Variants in PCDH9 observed in about 807,000 individuals in gnomAD.
PCDH9 encodes protocadherin-9.
Under a neutral mutation model 70.6 loss-of-function variants are expected in PCDH9, and 24 were observed. That is an observed-to-expected ratio of 0.34 (90% CI 0.25 to 0.48). The LOEUF is 0.48. PCDH9 is among the 20% of genes least tolerant of loss of function. The pLI, the probability that PCDH9 is intolerant of heterozygous loss-of-function variation, is 0.99. For missense variants in PCDH9, 1,281 were observed against 1,503.6 expected (o/e 0.85, Z 2.45); for synonymous variants, 562 against 558.5 (o/e 1.01, Z -0.09).
chr13:66,526,516 TCTCTCTCTC>T lies in PCDH9; in HGVS notation c.3340+104685_3340+104693del, dbSNP rs1360656326. 8.0e-5 allele frequency among the ~76,000 whole-genome samples: 7 copies of T among 87,806 alleles called. 1 individual carries two copies. The South Asian group carries it at 1.9e-3, about 24-fold the overall frequency. The allele number at this position is 87,806 out of a possible 152,430, so 57.6% of individuals were successfully genotyped here. On this transcript the variant is annotated intron_variant, in intron 4 of 4. Coordinates refer to ENST00000377865, the MANE Select transcript of PCDH9 (RefSeq NM_203487.3). ...TATACAATGCTTTGAAATCTCTCTC[TCTCTCTCTC>T]TCTCTCTGTCTCTGTCTCTCTCTGG...
chr13:66,544,122 T>C (rs1305251569), intron 4 of PCDH9, among the ~76,000 whole-genome samples: 3 of 152,216 alleles, frequency 2.0e-5, no homozygotes, highest in Non-Finnish European at 4.4e-5. Flanking sequence ...TACAGGACCT[T>C]TGATGCCTTA....
intron 2 of PCDH9, among the ~76,000 whole-genome samples, chr13:66,955,682 T>A (rs1458473178): frequency 1.3e-5 from 2 of 152,180 alleles, no homozygotes; most frequent in Non-Finnish European, 2.9e-5. Flanking sequence ...TCAAGAGGGA[T>A]GAACTAACAT....
At chr13:66,776,981 C>T (rs1252331866) in intron 3 of PCDH9, among the ~76,000 whole-genome samples, 1 of 151,354 alleles carries the variant, frequency 6.6e-6, no homozygotes, top group Non-Finnish European at 1.5e-5. Context: ...CGCCGCATAT[C>T]TACAACTATC....
intron 4 of PCDH9, among the ~76,000 whole-genome samples, chr13:66,356,361 C>A (rs2138183544): frequency 6.6e-6 from 1 of 152,156 alleles, no homozygotes; most frequent in Admixed American, 6.6e-5. Flanking sequence ...AGGTATTTGA[C>A]AAAATCATCA....
chr13:66,688,889 A>G (rs2078442926), intron 3 of PCDH9, among the ~76,000 whole-genome samples: 4 of 152,164 alleles, frequency 2.6e-5, no homozygotes. Flanking sequence ...AATTTTTTAT[A>G]TGAAATCATT....
chr13:67,117,461 G>T (rs2086800267), intron 2 of PCDH9, among the ~76,000 whole-genome samples: 1 of 152,134 alleles, frequency 6.6e-6, no homozygotes, highest in African/African-American at 2.4e-5. Flanking sequence ...GGAGGCGGTT[G>T]TGATGAGTTC....
At chr13:66,622,861 CTT>C (rs57113848) in intron 4 of PCDH9, among the ~76,000 whole-genome samples, 11,409 of 152,224 alleles carry the variant, frequency 0.075, 478 homozygotes, top group South Asian at 0.13. Context: ...GCTGCTCACT[CTT>C]TGTGTCCACA....
At chr13:66,821,462 A>G (rs2080710621) in intron 3 of PCDH9, among the ~76,000 whole-genome samples, 1 of 152,184 alleles carries the variant, frequency 6.6e-6, no homozygotes, top group African/African-American at 2.4e-5. Flanking sequence ...AGCCAAACTC[A>G]TAAGAGTCAT....
At chr13:66,986,061 A>G (rs565073845) in intron 2 of PCDH9, among the ~76,000 whole-genome samples, 59 of 152,158 alleles carry the variant, frequency 3.9e-4, no homozygotes, top group African/African-American at 1.4e-3. Context: ...AAAAAGGTTA[A>G]ATGACTCATA....
intron 4 of PCDH9, among the ~76,000 whole-genome samples, chr13:66,381,708 A>T (rs1956851369): frequency 6.6e-6 from 1 of 152,232 alleles, no homozygotes; most frequent in South Asian, 2.1e-4. Context: ...AGGTCTTTTC[A>T]AATGATTTTT....
intron 3 of PCDH9, among the ~76,000 whole-genome samples, chr13:66,791,901 A>G (rs1250411399): frequency 6.6e-6 from 1 of 152,174 alleles, no homozygotes; most frequent in African/African-American, 2.4e-5. Flanking sequence ...AATACATTGC[A>G]TTATGCACAC....
At chr13:66,982,068 AGT>A (rs2083783436) in intron 2 of PCDH9, among the ~76,000 whole-genome samples, 1 of 152,134 alleles carries the variant, frequency 6.6e-6, no homozygotes, top group African/African-American at 2.4e-5. Flanking sequence ...TCTTCATGAT[AGT>A]GAGTTCTCCT....
At chr13:66,976,795 A>G (rs2083629387) in intron 2 of PCDH9, among the ~76,000 whole-genome samples, 1 of 152,162 alleles carries the variant, frequency 6.6e-6, no homozygotes, top group East Asian at 1.9e-4. Flanking sequence ...TAAGAAAAAT[A>G]AGGATAAATC....
At chr13:67,143,614 A>G (rs2087450791) in intron 2 of PCDH9, among the ~76,000 whole-genome samples, 1 of 152,194 alleles carries the variant, frequency 6.6e-6, no homozygotes, top group African/African-American at 2.4e-5. Flanking sequence ...CATAGTATTT[A>G]TATTGAAAAA....
chr13:66,820,647 A>G (rs1594102922), intron 3 of PCDH9, among the ~76,000 whole-genome samples: 1 of 152,176 alleles, frequency 6.6e-6, no homozygotes, highest in African/African-American at 2.4e-5. Flanking sequence ...GTACATATAC[A>G]CCATGGAATA....
intron 2 of PCDH9, among the ~76,000 whole-genome samples, chr13:67,180,323 C>T (rs1487860497): frequency 6.6e-6 from 1 of 152,034 alleles, no homozygotes; most frequent in Non-Finnish European, 1.5e-5. Flanking sequence ...ATGTCGCTAG[C>T]GCCAATTTTG....
chr13:66,890,082 G>A (rs137908471), intron 3 of PCDH9, among the ~76,000 whole-genome samples: 136 of 152,174 alleles, frequency 8.9e-4, no homozygotes, highest in African/African-American at 3.1e-3. Context: ...AGCAGAGCCC[G>A]GGTATCTGGC....
intron 2 of PCDH9, chr13:67,203,723 A>G (rs909814854): frequency 2.6e-5 from 4 of 152,124 alleles, no homozygotes; most frequent in African/African-American, 9.7e-5. Flanking sequence ...GTAAAAATCT[A>G]AAGATTAAAA....
At chr13:66,391,050 C>T (rs925978740) in intron 4 of PCDH9, among the ~76,000 whole-genome samples, 1 of 152,094 alleles carries the variant, frequency 6.6e-6, no homozygotes, top group African/African-American at 2.4e-5. Context: ...TTAAGTTTCA[C>T]TAAGAGCATT....
Sources: gnomAD v4.1 joint callset for allele counts (sites outside exome capture counted in the v4.1 genomes callset) on GRCh38, gnomAD v4.1.1 for gene constraint, MANE v1.5 for transcripts, NCBI Gene and HGNC (gene_info 2026-07-23, HGNC 2026-07-21) for gene names.